Variants in CEMIP2 observed in about 807,000 individuals in gnomAD.
CEMIP2 encodes cell migration inducing hyaluronidase 2.
CEMIP2 carries 79 observed loss-of-function variants against 146.9 expected under a neutral mutation model. That is an observed-to-expected ratio of 0.54 (90% CI 0.45 to 0.65). The LOEUF (loss-of-function observed/expected upper bound fraction) is 0.65. Among genes scored for constraint, CEMIP2 ranks in the 30% least tolerant of loss-of-function variants. The pLI is 0.00. For missense variants in CEMIP2, 1,596 were observed against 1,696.2 expected (o/e 0.94, Z 1.04); for synonymous variants, 601 against 606.3 (o/e 0.99, Z 0.13).
chr9:71,685,406 A>AG lies in CEMIP2; in HGVS notation c.3956-14_3956-13insC, dbSNP rs1589121051. ...AATATGGTACTCCCTAAAAAAAAAAAAAAAAAAGAAAAAGAAAAAAAATCA... is the reference window on the plus strand; with the variant it reads ...AATATGGTACTCCCTAAAAAAAAAAAGAAAAAAAGAAAAAGAAAAAAAATCA... On this transcript the variant is annotated splice_polypyrimidine_tract_variant and intron_variant, in intron 23 of 23. Transcript: ENST00000377044. The AG allele has an allele frequency of 6.7e-7, 1 of 1,496,498 alleles. No homozygotes were observed. Among genetic ancestry groups the AG allele is most frequent in the Non-Finnish European group, 8.9e-7 (1 of 1,125,876 alleles). The allele number at this position is 1,496,498 out of a possible 1,614,324, so 92.7% of individuals were successfully genotyped here. A position where few individuals can be genotyped will look rare whatever the true frequency, so the allele number is the denominator to read the frequency against.
chr9:71,728,892 C>T (rs776906786), intron 10 of CEMIP2, among the ~76,000 whole-genome samples: 3 of 151,634 alleles, frequency 2.0e-5, no homozygotes, highest in South Asian at 2.1e-4. Context: ...AGTACAGTGG[C>T]GCAATCTTGG....
At position 71,685,727 on chromosome 9, in the gene CEMIP2, TAATACA is replaced by T; in HGVS notation, c.3955+10_3955+15del. ...CTGGCCCTGTAAGAACTTCATGAAA[TAATACA>T]AATACAAACCTTTGTCATAAAGATG... On this transcript the variant is annotated intron_variant, in intron 23 of 23. Coordinates refer to ENST00000377044, the MANE Select transcript of CEMIP2 (RefSeq NM_013390.3). The T allele has an allele frequency of 6.2e-7, 1 of 1,601,880 alleles. No homozygotes were observed. Among genetic ancestry groups the T allele is most frequent in the Non-Finnish European group, 8.6e-7 (1 of 1,169,324 alleles).
chr9:71,714,035 T>C (rs1247017317), intron 15 of CEMIP2, among the ~76,000 whole-genome samples: 4 of 152,136 alleles, frequency 2.6e-5, no homozygotes, highest in African/African-American at 7.2e-5. Flanking sequence ...AAGCCAAGCA[T>C]GGTGACCTTT....
intron 19 of CEMIP2, 70 bp from the exon 20 acceptor site, chr9:71,698,274 G>A: frequency 7.4e-7 from 1 of 1,346,916 alleles, no homozygotes; most frequent in Non-Finnish European, 1.0e-6. Context: ...CCTCAAATCA[G>A]CTCATGGCCA....
At chr9:71,696,067 T>G (rs1822392950) in intron 20 of CEMIP2, among the ~76,000 whole-genome samples, 1 of 152,206 alleles carries the variant, frequency 6.6e-6, no homozygotes. Flanking sequence ...AAAAAATGAA[T>G]TCTGATCAAT....
intron 11 of CEMIP2, 22 bp downstream of exon 11, chr9:71,725,559 T>A: frequency 1.2e-6 from 2 of 1,611,242 alleles, no homozygotes; most frequent in Non-Finnish European, 8.5e-7. Flanking sequence ...TATGTACTAA[T>A]TGTTAAAACT....
At chr9:71,713,894 A>G in intron 15 of CEMIP2, among the ~76,000 whole-genome samples, 1 of 152,244 alleles carries the variant, frequency 6.6e-6, no homozygotes, top group East Asian at 1.9e-4. Flanking sequence ...ATAAGCATTT[A>G]ATACATGTTA....
intron 1 of CEMIP2, among the ~76,000 whole-genome samples, chr9:71,762,891 AC>A (rs1824678168): frequency 6.6e-6 from 1 of 151,864 alleles, no homozygotes; most frequent in Admixed American, 6.6e-5. Context: ...GCATGCCTGT[AC>A]TCCCAGCTAC....
chr9:71,692,160 A>G (rs1018637642), intron 21 of CEMIP2, among the ~76,000 whole-genome samples: 1 of 151,718 alleles, frequency 6.6e-6, no homozygotes, highest in African/African-American at 2.4e-5. Flanking sequence ...GCAATCCCAG[A>G]TCTTAGGGAA....
At chr9:71,761,942 C>A (rs1425402166) in intron 1 of CEMIP2, among the ~76,000 whole-genome samples, 1 of 151,392 alleles carries the variant, frequency 6.6e-6, no homozygotes, top group African/African-American at 2.4e-5. Context: ...CAGACGATTA[C>A]TAATATCTTT....
intron 17 of CEMIP2, 86 bp downstream of exon 17, chr9:71,709,173 A>C: frequency 4.8e-6 from 6 of 1,245,596 alleles, no homozygotes; most frequent in Non-Finnish European, 7.0e-6. Context: ...TGTCAATCAC[A>C]CTGAAAAGCT....
Position 71,750,189 on chromosome 9 carries a change from A to C in CEMIP2, c.185T>G (p.Phe62Cys), listed in dbSNP as rs748526579. The C allele has an allele frequency of 1.9e-6, 3 of 1,614,048 alleles. No individual in the cohort carries two copies. In the South Asian group the frequency reaches 3.3e-5, roughly 18 times the overall value. Residue 62 changes from phenylalanine (F) to cysteine (C), a missense_variant, in exon 2 of 24, where the codon TTC (phenylalanine) becomes TGC (cysteine). Phe to Cys is a radical substitution (Grantham distance 205). Transcript: ENST00000377044. ...IRREDRATFA[F>C]SPEEQQAQRE... ...CTGGGCTTGCTGTTCTTCAGGTGAG[A>C]ATGCGAAGGTTGCCCGGTCTTCTCG...
Position 71,716,545 on chromosome 9 carries a change from C to A in CEMIP2, c.2407G>T (p.Asp803Tyr). 1 of 1,594,360 alleles carries A rather than the reference C, an allele frequency of 6.3e-7. No homozygotes were observed. Among genetic ancestry groups the A allele is most frequent in the African/African-American group, 1.4e-5 (1 of 73,988 alleles). ...DIIVQNSAFA[D>Y]NGIGLTFASD... ...GCAAAGGTCAGTCCTATTCCATTAT[C>A]TGCAAATCTGTAAAAGAAGAGAGAA... The change falls in exon 14 of 24, where the codon GAT becomes TAT. Residue 803 changes from aspartate (D) to tyrosine (Y), a missense_variant. Coordinates refer to ENST00000377044, the MANE Select transcript of CEMIP2 (RefSeq NM_013390.3).
chr9:71,727,789 G>C (rs1028144291), intron 10 of CEMIP2, among the ~76,000 whole-genome samples: 1 of 152,138 alleles, frequency 6.6e-6, no homozygotes, highest in South Asian at 2.1e-4. Context: ...GGATGGGTAC[G>C]GTGGCTCATG....
intron 1 of CEMIP2, 135 bp downstream of exon 1, chr9:71,768,222 C>G (rs75333767): frequency 0.062 from 9,435 of 151,652 alleles, 436 homozygotes; most frequent in Middle Eastern, 0.092. Context: ...CAGAAATGCC[C>G]AACGCCGGAG....
intron 17 of CEMIP2, 117 bp from the exon 18 acceptor site, chr9:71,704,920 GC>G: frequency 1.1e-6 from 1 of 950,218 alleles, no homozygotes; most frequent in African/African-American, 1.6e-5. Context: ...TGTGATCTGT[GC>G]CAGACTAAGT....
chr9:71,688,839 C>T (rs570684158), intron 22 of CEMIP2, among the ~76,000 whole-genome samples: 4 of 152,290 alleles, frequency 2.6e-5, no homozygotes, highest in African/African-American at 4.8e-5. Context: ...CACATAGACA[C>T]GTGCTCAGTC....
chr9:71,700,596 A>C, intron 19 of CEMIP2, 46 bp downstream of exon 19: 1 of 1,529,238 alleles, frequency 6.5e-7, no homozygotes, highest in East Asian at 2.3e-5. Context: ...TTTCACCATT[A>C]AAGAAAAATA....
chr9:71,706,240 G>GA (rs35856513), intron 17 of CEMIP2, among the ~76,000 whole-genome samples: 31,714 of 134,624 alleles, frequency 0.24, 3,526 homozygotes, highest in South Asian at 0.35. Context: ...AAAAAAAAAG[G>GA]AAAAAAAAAA....
Sources: allele counts gnomAD v4.1 joint callset (sites outside exome capture counted in the v4.1 genomes callset), GRCh38; gene constraint gnomAD v4.1.1; transcripts MANE v1.5; gene names NCBI Gene and HGNC (gene_info 2026-07-23, HGNC 2026-07-21).